TENM4: variants seen among roughly 807,000 people sequenced by gnomAD.
TENM4 encodes teneurin transmembrane protein 4.
Under a neutral mutation model 243.3 loss-of-function variants are expected in TENM4, and 82 were observed. The ratio of observed to expected loss-of-function variants is 0.34; its 90% CI spans 0.28 to 0.40. The LOEUF (loss-of-function observed/expected upper bound fraction) is 0.40, where lower values mean the gene tolerates loss of function less well. Among genes scored for constraint, TENM4 ranks in the 10% least tolerant of loss-of-function variants. The probability of loss-of-function intolerance (pLI) is 1.00; values close to 1 mark genes in which losing one functional copy is unlikely to be tolerated. For synonymous variants in TENM4, 1,412 were observed against 1,456.3 expected (o/e 0.97, Z 0.69); for missense variants, 3,138 against 3,673.3 (o/e 0.85, Z 3.77).
At chr11:79,183,052 C>T (rs1214808680) in intron 3 of TENM4, among the ~76,000 whole-genome samples, 1 of 152,128 alleles carries the variant, frequency 6.6e-6, no homozygotes, top group African/African-American at 2.4e-5. Context: ...AGCTGCACTC[C>T]TTGGTATTTA....
At chr11:79,273,632 G>A (rs774593641) in intron 2 of TENM4, among the ~76,000 whole-genome samples, 11 of 152,144 alleles carry the variant, frequency 7.2e-5, no homozygotes, top group Non-Finnish European at 1.6e-4. Context: ...CTAGTACACG[G>A]TGGAGCCGGG....
intron 4 of TENM4, among the ~76,000 whole-genome samples, chr11:79,081,363 A>G (rs948714559): frequency 2.5e-4 from 38 of 152,212 alleles, no homozygotes; most frequent in African/African-American, 9.2e-4. Context: ...TGTGTGCACA[A>G]TAGCTTCTTG....
intron 9 of TENM4, among the ~76,000 whole-genome samples, chr11:78,874,642 T>C (rs1859220407): frequency 6.6e-6 from 1 of 152,198 alleles, no homozygotes; most frequent in Non-Finnish European, 1.5e-5. Flanking sequence ...AAAGCTTTGT[T>C]ACCCTCCTAC....
At chr11:78,762,017 T>C (rs552175210) in intron 18 of TENM4, among the ~76,000 whole-genome samples, 88 of 152,282 alleles carry the variant, frequency 5.8e-4, no homozygotes, top group Non-Finnish European at 9.4e-4. Flanking sequence ...TTGTCTCCCT[T>C]TTCTTCTTTG....
At chr11:78,806,535 T>C (rs519063) in intron 14 of TENM4, among the ~76,000 whole-genome samples, 151,365 of 152,338 alleles carry the variant, frequency 0.99, 75,221 homozygotes, top group Middle Eastern at 1. Flanking sequence ...TGTGCTTACA[T>C]GCTAAGCACT....
intron 3 of TENM4, among the ~76,000 whole-genome samples, chr11:79,208,482 G>A (rs1863892380): frequency 6.6e-6 from 1 of 152,172 alleles, no homozygotes; most frequent in Admixed American, 6.5e-5. Context: ...TACTACTCAG[G>A]CAGATACTGA....
chr11:78,924,487 A>G (rs1324513276), intron 6 of TENM4: 1 of 152,232 alleles, frequency 6.6e-6, no homozygotes, highest in African/African-American at 2.4e-5. Flanking sequence ...ATAAATCTTG[A>G]TTCTACCACT....
At chr11:79,151,788 T>G (rs1002598117) in intron 3 of TENM4, among the ~76,000 whole-genome samples, 9 of 152,150 alleles carry the variant, frequency 5.9e-5, no homozygotes, top group Non-Finnish European at 1.3e-4. Context: ...TTCTCTCTGC[T>G]GGCACTTGGT....
At chr11:78,938,555 A>T (rs984519104) in intron 6 of TENM4, among the ~76,000 whole-genome samples, 3 of 152,226 alleles carry the variant, frequency 2.0e-5, no homozygotes, top group Non-Finnish European at 4.4e-5. Flanking sequence ...AACAAAAATA[A>T]CAAAAGAAAA....
At chr11:79,236,807 G>A (rs922846442) in intron 2 of TENM4, among the ~76,000 whole-genome samples, 1 of 152,280 alleles carries the variant, frequency 6.6e-6, no homozygotes, top group South Asian at 2.1e-4. Context: ...TGTAGAGGGC[G>A]GATGTTGTTA....
intron 1 of TENM4, among the ~76,000 whole-genome samples, chr11:79,435,246 G>T (rs1163675278): frequency 1.3e-5 from 2 of 152,090 alleles, no homozygotes; most frequent in African/African-American, 4.8e-5. Flanking sequence ...GAAAAAAAAA[G>T]TAATAAATAT....
intron 6 of TENM4, among the ~76,000 whole-genome samples, chr11:79,008,098 C>A (rs1306726520): frequency 6.6e-6 from 1 of 152,174 alleles, no homozygotes; most frequent in Non-Finnish European, 1.5e-5. Context: ...TCGTTGGAAG[C>A]GCCAAGCTGG....
chr11:79,382,321 C>T (rs1232307351), intron 1 of TENM4, among the ~76,000 whole-genome samples: 2 of 152,154 alleles, frequency 1.3e-5, no homozygotes, highest in African/African-American at 4.8e-5. Context: ...AACCTGGGGG[C>T]TTCAGACACA....
intron 2 of TENM4, among the ~76,000 whole-genome samples, chr11:79,222,850 GT>G (rs1216027351): frequency 2.0e-5 from 3 of 152,066 alleles, no homozygotes; most frequent in African/African-American, 7.2e-5. Context: ...TGATAGGGTT[GT>G]TTTTTTCTTG....
intron 4 of TENM4, among the ~76,000 whole-genome samples, chr11:79,087,357 C>T (rs1182687631): frequency 3.3e-5 from 5 of 152,162 alleles, no homozygotes; most frequent in African/African-American, 7.2e-5. Flanking sequence ...AAGGGAATGT[C>T]GTTGGATGAA....
At chr11:79,148,048 G>A (rs1338448533) in intron 4 of TENM4, among the ~76,000 whole-genome samples, 2 of 152,108 alleles carry the variant, frequency 1.3e-5, no homozygotes, top group Non-Finnish European at 2.9e-5. Context: ...CACAACAAGA[G>A]TAGAACTGGG....
At chr11:79,242,120 C>A (rs567611073) in intron 2 of TENM4, among the ~76,000 whole-genome samples, 1 of 152,270 alleles carries the variant, frequency 6.6e-6, no homozygotes, top group Admixed American at 6.5e-5. Flanking sequence ...TGGAAGCAGG[C>A]GATCGCTTCT....
At chr11:79,259,540 C>T (rs980511678) in intron 2 of TENM4, among the ~76,000 whole-genome samples, 15 of 151,248 alleles carry the variant, frequency 9.9e-5, no homozygotes, top group Admixed American at 7.9e-4. Context: ...CACCCACCTA[C>T]CTACCCATAT....
intron 1 of TENM4, among the ~76,000 whole-genome samples, chr11:79,405,208 G>T (rs1429387503): frequency 6.6e-6 from 1 of 151,934 alleles, no homozygotes; most frequent in African/African-American, 2.4e-5. Flanking sequence ...TATTATGCAG[G>T]TACTATTTCT....
Sources: allele counts gnomAD v4.1 joint callset (sites outside exome capture counted in the v4.1 genomes callset), GRCh38; gene constraint gnomAD v4.1.1; transcripts MANE v1.5; gene names NCBI Gene and HGNC (gene_info 2026-07-23, HGNC 2026-07-21).